PCSK5: variants seen among roughly 807,000 people sequenced by gnomAD.
PCSK5 encodes proprotein convertase subtilisin/kexin type 5, also known as prohormone convertase 5.
PCSK5 carries 129 observed loss-of-function variants against 233.2 expected under a neutral mutation model. The observed-to-expected ratio is 0.55, with a 90% CI of 0.48 to 0.64. The LOEUF (loss-of-function observed/expected upper bound fraction) is 0.64. Among genes scored for constraint, PCSK5 ranks in the 30% least tolerant of loss-of-function variants. PCSK5 has a pLI of 0.00. For missense variants in PCSK5, 2,076 were observed against 2,430.1 expected (o/e 0.85, Z 3.06); for synonymous variants, 825 against 879.2 (o/e 0.94, Z 1.09).
At chr9:75,937,287 T>C (rs1240600342) in intron 2 of PCSK5, among the ~76,000 whole-genome samples, 1 of 151,896 alleles carries the variant, frequency 6.6e-6, no homozygotes, top group African/African-American at 2.4e-5. Context: ...CAAGTGATTC[T>C]CCTGCCTCAG....
chr9:76,073,616 TC>T (rs1309971698), intron 7 of PCSK5, among the ~76,000 whole-genome samples: 1 of 152,178 alleles, frequency 6.6e-6, no homozygotes, highest in Non-Finnish European at 1.5e-5. Flanking sequence ...TCATATTTAA[TC>T]ATAAAATTAT....
At chr9:76,073,173 A>G (rs978995164) in intron 7 of PCSK5, among the ~76,000 whole-genome samples, 1 of 152,246 alleles carries the variant, frequency 6.6e-6, no homozygotes, top group Non-Finnish European at 1.5e-5. Context: ...AGTGGAATGC[A>G]TTGTTGATTA....
intron 17 of PCSK5, among the ~76,000 whole-genome samples, 172 bp from the exon 18 acceptor site, chr9:76,188,406 C>T (rs191588516): frequency 2.5e-4 from 38 of 152,128 alleles, no homozygotes; most frequent in African/African-American, 8.0e-4. Context: ...GCATTATAAG[C>T]ATTGAGAGGA....
Position 76,181,427 on chromosome 9 carries a change from A to T in PCSK5, c.2033A>T (p.His678Leu). The T allele has an allele frequency of 6.2e-7, 1 of 1,613,854 alleles. No homozygotes were observed. Among genetic ancestry groups the T allele is most frequent in the Non-Finnish European group, 8.5e-7 (1 of 1,179,854 alleles). ...RICVSSCPPG[H>L]YHADKKRCRK... Reference sequence around the variant, plus strand: ...TGTGTCTCCAGCTGCCCCCCTGGCCACTACCACGCCGACAAGAAGCGCTGC... The same window carrying T: ...TGTGTCTCCAGCTGCCCCCCTGGCCTCTACCACGCCGACAAGAAGCGCTGC... The change falls in exon 16 of 38, where the codon CAC becomes CTC. Residue 678 changes from histidine (H) to leucine (L), a missense_variant. This residue lies in a region of PCSK5 where 1,510 missense variants were observed against 1,538.1 expected (regional missense o/e 0.98). Transcript: ENST00000674117.
At chr9:75,903,590 A>ATATATATTATAT (rs1564071257) in intron 1 of PCSK5, among the ~76,000 whole-genome samples, 2 of 122,710 alleles carry the variant, frequency 1.6e-5, no homozygotes, top group South Asian at 2.2e-4. Context: ...ATATATATAA[A>ATATATATTATAT]ATATATATTA....
intron 37 of PCSK5, among the ~76,000 whole-genome samples, chr9:76,354,861 T>G (rs1830257829): frequency 6.6e-6 from 1 of 152,228 alleles, no homozygotes; most frequent in African/African-American, 2.4e-5. Context: ...TAGCATTTTA[T>G]CTTTATGAAT....
intron 2 of PCSK5, among the ~76,000 whole-genome samples, chr9:75,982,681 A>C (rs1156357412): frequency 6.7e-6 from 1 of 149,208 alleles, no homozygotes; most frequent in African/African-American, 2.5e-5. Context: ...TATATTAGGG[A>C]GATAGACTTT....
chr9:76,354,003 CA>C (rs746801862), intron 36 of PCSK5, 29 bp from the exon 37 acceptor site: 2 of 1,557,306 alleles, frequency 1.3e-6, no homozygotes, highest in South Asian at 2.4e-5. Flanking sequence ...CCTTTACACT[CA>C]AAAGGAACCT....
chr9:76,323,295 A>C lies in PCSK5; in HGVS notation c.4339+7A>C. 1.3e-6 allele frequency: 2 copies of C among 1,538,690 alleles called. No individual in the cohort carries two copies. Among genetic ancestry groups the C allele is most frequent in the African/African-American group, 1.4e-5 (1 of 73,274 alleles). ...GAGACTAAGGAGTGCAGAGGTAAAG[A>C]CTTCTGGGATTCAAAATAGGCTCCG... On this transcript the variant is annotated splice_region_variant and intron_variant, in intron 32 of 37. Coordinates refer to ENST00000674117, the MANE Select transcript of PCSK5 (RefSeq NM_001372043.1).
intron 32 of PCSK5, among the ~76,000 whole-genome samples, chr9:76,327,256 GC>G (rs1564182954): frequency 6.6e-6 from 1 of 151,936 alleles, no homozygotes; most frequent in African/African-American, 2.4e-5. Flanking sequence ...ACAGGCACCC[GC>G]CACCATGCCC....
chr9:75,960,495 G>A (rs1223162378), intron 2 of PCSK5, among the ~76,000 whole-genome samples: 1 of 152,096 alleles, frequency 6.6e-6, no homozygotes, highest in Non-Finnish European at 1.5e-5. Context: ...AATATTCTGG[G>A]AAAACAGAGG....
chr9:76,156,095 GATA>G (rs1489028313), intron 10 of PCSK5, among the ~76,000 whole-genome samples: 1 of 152,190 alleles, frequency 6.6e-6, no homozygotes, highest in African/African-American at 2.4e-5. Flanking sequence ...TTCATGTGAT[GATA>G]ATAAAAAATG....
chr9:76,025,461 C>A lies in PCSK5; in HGVS notation c.556-1500C>A, dbSNP rs145786982. 2.5e-3 allele frequency among the ~76,000 whole-genome samples: 386 copies of A among 151,830 alleles called. 2 individuals carry two copies. Among genetic ancestry groups the A allele is most frequent in the African/African-American group, 8.9e-3 (368 of 41,376 alleles). On this transcript the variant is annotated intron_variant, in intron 4 of 37. Coordinates refer to ENST00000674117, the MANE Select transcript of PCSK5 (RefSeq NM_001372043.1). Reference sequence around the variant, plus strand: ...CAGACCACCAGAACTGAAAATAAGCCAAATTATACTCCAGAGAAGGGTTCT... The same window carrying A: ...CAGACCACCAGAACTGAAAATAAGCAAAATTATACTCCAGAGAAGGGTTCT...
chr9:76,296,896 G>A (rs564857103), intron 27 of PCSK5, 31 bp downstream of exon 27: 1 of 1,449,888 alleles, frequency 6.9e-7, no homozygotes, highest in Admixed American at 1.7e-5. Context: ...AGGTCACAGG[G>A]GTCTAGCGAC....
At chr9:76,138,202 T>C (rs140274851) in intron 10 of PCSK5, among the ~76,000 whole-genome samples, 2 of 152,208 alleles carry the variant, frequency 1.3e-5, no homozygotes, top group Non-Finnish European at 2.9e-5. Context: ...GTAACTTACA[T>C]ACAGAAACAG....
At chr9:76,272,510 C>T (rs925526203) in intron 24 of PCSK5, among the ~76,000 whole-genome samples, 9 of 152,088 alleles carry the variant, frequency 5.9e-5, no homozygotes, top group African/African-American at 2.2e-4. Flanking sequence ...CGCAGTGGCT[C>T]ATGCCTGTAA....
chr9:75,897,511 C>T (rs1220789740), intron 1 of PCSK5, among the ~76,000 whole-genome samples: 4 of 130,100 alleles, frequency 3.1e-5, no homozygotes, highest in South Asian at 2.4e-4. Flanking sequence ...TTTTTTTTCC[C>T]GAAACGGAGT....
At chr9:76,040,345 C>G (rs1000166962) in intron 5 of PCSK5, among the ~76,000 whole-genome samples, 44 of 46,932 alleles carry the variant, frequency 9.4e-4, no homozygotes, top group South Asian at 5.4e-3. Flanking sequence ...CTCTCTCTCT[C>G]TCTCTCTCTC....
chr9:76,321,669 G>A, intron 31 of PCSK5, 30 bp downstream of exon 31: 1 of 1,471,788 alleles, frequency 6.8e-7, no homozygotes, highest in East Asian at 2.3e-5. Flanking sequence ...AGGAGAGCAA[G>A]GCTCTGCTGA....
Sources: gnomAD v4.1 joint callset for allele counts (sites outside exome capture counted in the v4.1 genomes callset) on GRCh38, gnomAD v4.1.1 for gene constraint, gnomAD v4.1.1 regional missense constraint, MANE v1.5 for transcripts, NCBI Gene and HGNC (gene_info 2026-07-23, HGNC 2026-07-21) for gene names.